Variants in CXCL12 observed in about 807,000 individuals in gnomAD.
CXCL12 encodes stromal cell-derived factor 1.
A neutral mutation model predicts 10.7 loss-of-function variants in CXCL12; 4 were observed. The ratio of observed to expected loss-of-function variants is 0.37; its 90% CI spans 0.18 to 0.86. CXCL12 has a LOEUF of 0.86. Ranked by LOEUF, CXCL12 falls within the 40% of genes least tolerant of loss-of-function variation. The pLI is 0.43. For missense variants in CXCL12, 122 were observed against 110.4 expected (o/e 1.10, Z -0.47); for synonymous variants, 54 against 45.4 (o/e 1.19, Z -0.77).
At position 44,378,490 on chromosome 10, in the gene CXCL12, C is replaced by G. The variant is rs1588899381; in HGVS notation, c.*143G>C. ...AATGCTGGCAAACCTCAGGCCCGAT[C>G]CCAGATCAATGTGCCCACCCCACAC... On this transcript the variant is annotated 3_prime_UTR_variant, in exon 3 of 3. Transcript: ENST00000343575. 1.9e-6 allele frequency: 3 copies of G among 1,541,262 alleles called. No individual in the cohort carries two copies. The East Asian group carries it at 7.0e-5, about 36-fold the overall frequency.
At chr10:44,384,847 G>T in intron 1 of CXCL12, 98 bp downstream of exon 1, 1 of 1,249,166 alleles carries the variant, frequency 8.0e-7, no homozygotes, top group Non-Finnish European at 1.1e-6. Flanking sequence ...GTGTCGGGCG[G>T]CGCAAACTGC....
At chr10:44,373,065 T>G (rs1296288687), downstream of CXCL12, 2 of 1,536,228 alleles carry the variant, frequency 1.3e-6, no homozygotes. Flanking sequence ...GGAAAGACAC[T>G]CTAATAAGGC....
chr10:44,370,485 G>A (rs1051592807), exon 4 of CXCL12: 5 of 152,382 alleles, frequency 3.3e-5, no homozygotes, highest in African/African-American at 1.2e-4. Flanking sequence ...GGATTTGGAA[G>A]TTTCTAGGGA....
chr10:44,372,562 T>A (rs1839340063), downstream of CXCL12: 1 of 998,110 alleles, frequency 1.0e-6, no homozygotes. Context: ...TGTTTTCAGG[T>A]AACACAAGAC....
At chr10:44,380,971 G>T in intron 1 of CXCL12, 91 bp from the exon 2 acceptor site, 1 of 1,028,396 alleles carries the variant, frequency 9.7e-7, no homozygotes. Flanking sequence ...CAGCGATTAA[G>T]GATCAAGAGA....
chr10:44,377,989 G>T lies in CXCL12; in HGVS notation c.*644C>A. The T allele has an allele frequency of 6.6e-7, 1 of 1,513,436 alleles. No homozygotes were observed. Among genetic ancestry groups the T allele is most frequent in the South Asian group, 1.2e-5 (1 of 80,152 alleles). 93.8% of individuals were successfully genotyped at this position (1,513,436 alleles called of 1,614,324 possible). A position where few individuals can be genotyped will look rare whatever the true frequency, so the allele number is the denominator to read the frequency against. On this transcript the variant is annotated 3_prime_UTR_variant, in exon 3 of 3. Transcript: ENST00000343575. ...AGGAATAGCTGGGAGAGGGGTCTCTGAGCACAGTCCCAGTAATAGTGGCTT... is the reference window on the plus strand; with the variant it reads ...AGGAATAGCTGGGAGAGGGGTCTCTTAGCACAGTCCCAGTAATAGTGGCTT...
chr10:44,384,960 G>C lies in CXCL12; in HGVS notation c.46C>G (p.Leu16Val). The C allele has an allele frequency of 6.4e-7, 1 of 1,558,002 alleles. No homozygotes were observed. Among genetic ancestry groups the C allele is most frequent in the Non-Finnish European group, 8.6e-7 (1 of 1,162,670 alleles). The stretch of plus-strand genomic sequence containing the variant: ...GCGCACTTACCGTCGCTGAGGCAGA[G>C]CGCGGTCAGCACGAGGACCAGCACG... The part of the protein sequence containing the change: ...VVVLVLVLTA[L>V]CLSDGKPVSL... The change falls in exon 1 of 3, where the codon CTC (leucine) becomes GTC (valine). Residue 16 changes from leucine (L) to valine (V), a missense_variant. Transcript: ENST00000343575.
At position 44,378,058 on chromosome 10, in the gene CXCL12, G is replaced by A. The variant is rs993698911; in HGVS notation, c.*575C>T. On this transcript the variant is annotated 3_prime_UTR_variant, in exon 3 of 3. Coordinates refer to ENST00000343575, the MANE Select transcript of CXCL12 (RefSeq NM_199168.4). ...GCCAATCACTGAGGTTGAAAGAGGAGGTGAAGGCAGTGGCGGCGCCCAGCC... is the reference window on the plus strand; with the variant it reads ...GCCAATCACTGAGGTTGAAAGAGGAAGTGAAGGCAGTGGCGGCGCCCAGCC... The A allele has an allele frequency of 1.4e-6, 2 of 1,473,114 alleles. No homozygotes were observed. The highest frequency in any genetic ancestry group is 1.8e-6 in the Non-Finnish European group (2 of 1,122,256). The allele number at this position is 1,473,114 out of a possible 1,614,324, so 91.3% of individuals were successfully genotyped here. A position where few individuals can be genotyped will look rare whatever the true frequency, so the allele number is the denominator to read the frequency against.
chr10:44,374,432 A>T, downstream of CXCL12: 1 of 455,746 alleles, frequency 2.2e-6, no homozygotes, highest in Non-Finnish European at 4.4e-6. Context: ...CAGCCCACCC[A>T]ACAGCTCTGT....
intron 1 of CXCL12, among the ~76,000 whole-genome samples, chr10:44,383,860 C>G (rs1262597615): frequency 6.6e-6 from 1 of 152,212 alleles, no homozygotes; most frequent in Non-Finnish European, 1.5e-5. Context: ...TGGGCCTGCA[C>G]AGCCCGCGGC....
At chr10:44,379,658 G>A (rs975508653) in intron 2 of CXCL12, among the ~76,000 whole-genome samples, 1 of 152,074 alleles carries the variant, frequency 6.6e-6, no homozygotes, top group Non-Finnish European at 1.5e-5. Flanking sequence ...TTAATTTAGT[G>A]TCTGCTCAGA....
chr10:44,385,057 G>A lies in CXCL12; in HGVS notation c.-52C>T, dbSNP rs774355292. The A allele has an allele frequency of 2.2e-6, 3 of 1,341,420 alleles. No homozygotes were observed. Among genetic ancestry groups the A allele is most frequent in the East Asian group, 6.1e-5 (2 of 33,054 alleles). The allele number at this position is 1,341,420 out of a possible 1,614,324, so 83.1% of individuals were successfully genotyped here. ...GACGAGCGCGGGTCGGGGGCCGGAC[G>A]CCGAGCGGGCAATGCGGCTGACGGA... On this transcript the variant is annotated 5_prime_UTR_variant, in exon 1 of 3. Coordinates refer to ENST00000343575, the MANE Select transcript of CXCL12 (RefSeq NM_199168.4).
chr10:44,373,433 C>G, downstream of CXCL12: 1 of 1,171,558 alleles, frequency 8.5e-7, no homozygotes, highest in Non-Finnish European at 1.3e-6. Context: ...CGCGGAGGCC[C>G]TGGGGCCAAT....
At chr10:44,378,870 G>A (rs574503274) in intron 2 of CXCL12, 147 bp from the exon 3 acceptor site, 10 of 744,322 alleles carry the variant, frequency 1.3e-5, no homozygotes, top group East Asian at 5.2e-5. Flanking sequence ...AGGTGCTCGC[G>A]GTGTGCTGGG....
intron 1 of CXCL12, among the ~76,000 whole-genome samples, chr10:44,382,885 G>A (rs180757557): frequency 3.5e-4 from 53 of 152,334 alleles, no homozygotes; most frequent in African/African-American, 1.2e-3. Context: ...TTGTCAGTAA[G>A]ACTAACTTTC....
chr10:44,377,553 G>A lies in CXCL12; in HGVS notation c.*1080C>T, dbSNP rs1178722154. ...AACCCTGCTGTGGCTTCAGGAGGGG[G>A]TAGTGGCAAGATGATGGTTTATTCA... On this transcript the variant is annotated 3_prime_UTR_variant, in exon 3 of 3. Coordinates refer to ENST00000343575, the MANE Select transcript of CXCL12 (RefSeq NM_199168.4). 1 of 1,451,034 alleles carries A rather than the reference G, an allele frequency of 6.9e-7. No individual in the cohort carries two copies. Among genetic ancestry groups the A allele is most frequent in the Non-Finnish European group, 9.0e-7 (1 of 1,106,408 alleles). The allele number at this position is 1,451,034 out of a possible 1,614,324, so 89.9% of individuals were successfully genotyped here.
downstream of CXCL12, among the ~76,000 whole-genome samples, chr10:44,376,729 T>C (rs1839462769): frequency 6.6e-6 from 1 of 152,104 alleles, no homozygotes; most frequent in Non-Finnish European, 1.5e-5. Flanking sequence ...AAGCTTCATA[T>C]TAACCATGGC....
At chr10:44,374,460 G>A (rs1839396367), downstream of CXCL12, 2 of 455,950 alleles carry the variant, frequency 4.4e-6, no homozygotes, top group Admixed American at 2.3e-5. Flanking sequence ...GAGGTGGGGA[G>A]GGCAGAAGAC....
chr10:44,372,491 T>C, downstream of CXCL12: 2 of 434,998 alleles, frequency 4.6e-6, no homozygotes, highest in South Asian at 6.0e-5. Flanking sequence ...ACGCTGGCTT[T>C]GAACAAAAAC....
Sources: allele counts gnomAD v4.1 joint callset (sites outside exome capture counted in the v4.1 genomes callset), GRCh38; gene constraint gnomAD v4.1.1; transcripts MANE v1.5; gene names NCBI Gene and HGNC (gene_info 2026-07-23, HGNC 2026-07-21).